Variants in ASH1L observed in about 807,000 individuals in gnomAD.
ASH1L encodes histone-lysine N-methyltransferase ASH1L.
ASH1L carries 23 observed loss-of-function variants against 269.0 expected under a neutral mutation model. That is an observed-to-expected ratio of 0.09 (90% CI 0.06 to 0.12). The LOEUF (loss-of-function observed/expected upper bound fraction) is 0.12. Ranked by LOEUF, ASH1L falls within the 10% of genes least tolerant of loss-of-function variation. The pLI is 1.00. For synonymous variants in ASH1L, 1,187 were observed against 1,253.5 expected (o/e 0.95, Z 1.12); for missense variants, 2,912 against 3,567.8 (o/e 0.82, Z 4.68).
In ASH1L at chr1:155,415,605, C is replaced by T. The variant is rs372406583; in HGVS notation, c.6008+139G>A. 17 of 917,788 alleles carry T rather than the reference C, an allele frequency of 1.9e-5. No individual in the cohort carries two copies. In the Admixed American group the frequency reaches 2.2e-4, roughly 12 times the overall value. 56.9% of individuals were successfully genotyped at this position (917,788 alleles called of 1,614,324 possible). On this transcript the variant is annotated intron_variant, in intron 6 of 27. Transcript: ENST00000392403. The stretch of plus-strand genomic sequence containing the variant: ...ACCTTGACACAAAGTTTGAGGGAGG[C>T]GTACCTCATACATGAGTGCAAAAAC...
At chr1:155,460,011 G>T in intron 3 of ASH1L, 113 bp from the exon 4 acceptor site, 2 of 701,302 alleles carry the variant, frequency 2.9e-6, no homozygotes, top group Non-Finnish European at 4.6e-6. Context: ...GTCATCCCCT[G>T]TAATAACATG....
At chr1:155,433,782 G>C (rs186467446) in intron 5 of ASH1L, 1 of 1,605,570 alleles carries the variant, frequency 6.2e-7, no homozygotes, top group Middle Eastern at 1.7e-4. Flanking sequence ...TGTAAGCTGC[G>C]GCCCTTGCTG....
intron 5 of ASH1L, chr1:155,433,434 T>G (rs1571202582): frequency 4.3e-6 from 7 of 1,609,660 alleles, no homozygotes; most frequent in Non-Finnish European, 5.9e-6. Flanking sequence ...GTGCGGCTAG[T>G]GCCCCAAGGC....
At chr1:155,394,104 G>C (rs898540791) in intron 7 of ASH1L, among the ~76,000 whole-genome samples, 2 of 152,154 alleles carry the variant, frequency 1.3e-5, no homozygotes, top group Admixed American at 6.6e-5. Flanking sequence ...TATTGAAGCT[G>C]ATACTAACAT....
chr1:155,532,557 C>T (rs1669739409), intron 1 of ASH1L, among the ~76,000 whole-genome samples: 1 of 152,062 alleles, frequency 6.6e-6, no homozygotes, highest in South Asian at 2.1e-4. Context: ...CGTGGTTGCT[C>T]ATGCCTATAA....
chr1:155,358,096 G>T (rs895063179), intron 13 of ASH1L, among the ~76,000 whole-genome samples: 1 of 152,048 alleles, frequency 6.6e-6, no homozygotes. Context: ...TTAGCTTGCA[G>T]TCTCATTTAC....
chr1:155,339,268 T>C, intron 26 of ASH1L, 60 bp downstream of exon 26: 1 of 1,505,746 alleles, frequency 6.6e-7, no homozygotes, highest in Non-Finnish European at 9.2e-7. Context: ...TTTGTTTTCT[T>C]GATCCATTCA....
At chr1:155,344,451 C>A in intron 21 of ASH1L, 178 bp from the exon 22 acceptor site, 1 of 533,602 alleles carries the variant, frequency 1.9e-6, no homozygotes, top group Non-Finnish European at 3.3e-6. Flanking sequence ...AGGTAGAGGA[C>A]AAAACTGATA....
chr1:155,357,650 C>T lies in ASH1L; in HGVS notation c.6895G>A (p.Ala2299Thr), dbSNP rs201612201. Residue 2299 changes from alanine (A) to threonine (T), a missense_variant, in exon 14 of 28, where the codon GCC becomes ACC. This residue lies in a region of ASH1L where 309 missense variants were observed against 435.1 expected (regional missense o/e 0.71). Transcript: ENST00000392403. ...GACCGTCCAGATTTTTTGTGTGTGGCCATGGGCTGGCTGTTTTTGCTGCTG... is the reference window on the plus strand; with the variant it reads ...GACCGTCCAGATTTTTTGTGTGTGGTCATGGGCTGGCTGTTTTTGCTGCTG... ...LTSSKNSQPM[A>T]THKKSGRSKE... The T allele has an allele frequency of 1.3e-5, 21 of 1,613,992 alleles. No homozygotes were observed. The East Asian group carries it at 2.9e-4, about 22-fold the overall frequency.
chr1:155,338,016 A>T, intron 27 of ASH1L, 73 bp downstream of exon 27: 1 of 1,457,200 alleles, frequency 6.9e-7, no homozygotes, highest in African/African-American at 1.4e-5. Flanking sequence ...TGAACCAGTA[A>T]TTACAATTTT....
chr1:155,525,157 A>T (rs1669160426), intron 1 of ASH1L, among the ~76,000 whole-genome samples: 1 of 152,036 alleles, frequency 6.6e-6, no homozygotes, highest in Admixed American at 6.6e-5. Flanking sequence ...TGAGGCAAGA[A>T]GATGGCTGGA....
intron 2 of ASH1L, among the ~76,000 whole-genome samples, chr1:155,510,131 A>G (rs1276717682): frequency 6.6e-6 from 1 of 151,956 alleles, no homozygotes; most frequent in Non-Finnish European, 1.5e-5. Flanking sequence ...AAAGAAAATT[A>G]TATGCTGGGC....
chr1:155,524,279 T>G (rs927799124), intron 1 of ASH1L, among the ~76,000 whole-genome samples: 1 of 151,910 alleles, frequency 6.6e-6, no homozygotes, highest in Non-Finnish European at 1.5e-5. Context: ...TCCCAGCACT[T>G]TGGGAGGCTG....
At chr1:155,470,280 G>A (rs1260182889) in intron 3 of ASH1L, among the ~76,000 whole-genome samples, 1 of 151,924 alleles carries the variant, frequency 6.6e-6, no homozygotes, top group Non-Finnish European at 1.5e-5. Context: ...TCAACATGGT[G>A]AAACTCCGTC....
intron 1 of ASH1L, among the ~76,000 whole-genome samples, chr1:155,537,992 T>C (rs1366915694): frequency 3.3e-5 from 5 of 152,092 alleles, no homozygotes; most frequent in Non-Finnish European, 7.4e-5. Context: ...TAAAATATTT[T>C]GGCATTTTTT....
At chr1:155,477,857 A>G (rs1181981699) in intron 3 of ASH1L, 29 bp downstream of exon 3, 2 of 1,542,910 alleles carry the variant, frequency 1.3e-6, no homozygotes, top group Non-Finnish European at 1.7e-6. Context: ...TTCTTTAACA[A>G]ATAACAGGTA....
In ASH1L at chr1:155,382,483, G is replaced by A. The variant is rs563491967; in HGVS notation, c.6104-2367C>T. Among the ~76,000 whole-genome samples the A allele has an allele frequency of 2.9e-4, 44 of 152,252 alleles. No individual in the cohort carries two copies. In the South Asian group the frequency reaches 3.9e-3, roughly 14 times the overall value. On this transcript the variant is annotated intron_variant, in intron 7 of 27. Coordinates refer to ENST00000392403, the MANE Select transcript of ASH1L (RefSeq NM_018489.3). ...ACTGCACTCCAGCCTGGGCGACAGAGCAAGACTCTGTCTCAAACAAACAAA... is the reference window on the plus strand; with the variant it reads ...ACTGCACTCCAGCCTGGGCGACAGAACAAGACTCTGTCTCAAACAAACAAA...
At chr1:155,456,606 C>T (rs768662864) in intron 4 of ASH1L, among the ~76,000 whole-genome samples, 1 of 152,160 alleles carries the variant, frequency 6.6e-6, no homozygotes, top group Non-Finnish European at 1.5e-5. Flanking sequence ...TGGATGATCT[C>T]TTTCACTGCC....
chr1:155,529,993 G>T (rs886343897), intron 1 of ASH1L, among the ~76,000 whole-genome samples: 1 of 151,158 alleles, frequency 6.6e-6, no homozygotes, highest in Non-Finnish European at 1.5e-5. Context: ...AAAAAAAAAA[G>T]AAGTTTCCCT....
Sources: gnomAD v4.1 joint callset for allele counts (sites outside exome capture counted in the v4.1 genomes callset) on GRCh38, gnomAD v4.1.1 for gene constraint, gnomAD v4.1.1 regional missense constraint, MANE v1.5 for transcripts, NCBI Gene and HGNC (gene_info 2026-07-23, HGNC 2026-07-21) for gene names.